Variants in NCKAP5 observed in about 807,000 individuals in gnomAD.
NCKAP5 encodes the protein nck-associated protein 5.
In NCKAP5, 92 loss-of-function variants were observed where a neutral mutation model predicts 167.0. The observed-to-expected ratio is 0.55, with a 90% CI of 0.47 to 0.66. NCKAP5 has a LOEUF of 0.66. Ranked by LOEUF, NCKAP5 falls within the 30% of genes least tolerant of loss-of-function variation. The pLI, the probability that NCKAP5 is intolerant of heterozygous loss-of-function variation, is 0.00. For missense variants in NCKAP5, 2,378 were observed against 2,315.0 expected (o/e 1.03, Z -0.56); for synonymous variants, 891 against 877.4 (o/e 1.02, Z -0.27).
chr2:132,828,407 T>A (rs10208880), intron 11 of NCKAP5, among the ~76,000 whole-genome samples: 39,916 of 151,784 alleles, frequency 0.26, 5,849 homozygotes, highest in African/African-American at 0.41. Flanking sequence ...TACAGCGAGA[T>A]CTGGTTGTTT....
At chr2:133,129,933 G>A (rs1166542592) in intron 6 of NCKAP5, 45 bp downstream of exon 6, 1 of 1,536,322 alleles carries the variant, frequency 6.5e-7, no homozygotes, top group Non-Finnish European at 8.7e-7. Context: ...CTGGTGCAGA[G>A]AGAGATGCAC....
At chr2:133,459,789 G>A (rs905224214) in intron 3 of NCKAP5, among the ~76,000 whole-genome samples, 1 of 152,072 alleles carries the variant, frequency 6.6e-6, no homozygotes, top group African/African-American at 2.4e-5. Context: ...TTACAAACAC[G>A]TAATGAGTCT....
chr2:133,234,445 C>G (rs1424733723), intron 4 of NCKAP5, among the ~76,000 whole-genome samples: 1 of 152,120 alleles, frequency 6.6e-6, no homozygotes, highest in African/African-American at 2.4e-5. Context: ...TTCTCTGGAC[C>G]CTGACAAGTC....
rs149225399 is a variant in NCKAP5 at position 132,957,804 on chromosome 2, G to T, written c.579+5916C>A. On this transcript the variant is annotated intron_variant, in intron 8 of 19. Coordinates refer to ENST00000409261, the MANE Select transcript of NCKAP5 (RefSeq NM_207363.3). ...AGACCCCTATTCTAGAAGAGGTTTT[G>T]CCCCACACCCAGAAGGAAGGAATGC... is the stretch of plus-strand genomic sequence containing the variant. Among the ~76,000 whole-genome samples the T allele has an allele frequency of 2.5e-3, 381 of 152,218 alleles. 2 individuals carry two copies. The highest frequency in any genetic ancestry group is 8.9e-3 in the African/African-American group (369 of 41,542).
chr2:132,727,524 C>A (rs1255838879), intron 18 of NCKAP5, among the ~76,000 whole-genome samples: 2 of 152,220 alleles, frequency 1.3e-5, no homozygotes, highest in African/African-American at 2.4e-5. Context: ...AGACACAAGT[C>A]TATGTGGGCA....
intron 5 of NCKAP5, among the ~76,000 whole-genome samples, chr2:133,179,937 A>AT (rs946238406): frequency 2.0e-5 from 3 of 151,122 alleles, no homozygotes; most frequent in East Asian, 1.9e-4. Flanking sequence ...GAAAGAATAG[A>AT]TAAAAAAAAA....
At chr2:133,467,037 C>G (rs1179290216) in intron 3 of NCKAP5, among the ~76,000 whole-genome samples, 1 of 151,846 alleles carries the variant, frequency 6.6e-6, no homozygotes, top group African/African-American at 2.4e-5. Flanking sequence ...CCAGAACTTC[C>G]AACATTATGT....
At chr2:132,795,163 T>C (rs1684478807) in intron 12 of NCKAP5, among the ~76,000 whole-genome samples, 1 of 152,304 alleles carries the variant, frequency 6.6e-6, no homozygotes. Flanking sequence ...CAAGTTGCCC[T>C]ATCAATATAA....
chr2:133,211,715 A>G (rs2086219121), intron 5 of NCKAP5, among the ~76,000 whole-genome samples: 1 of 152,224 alleles, frequency 6.6e-6, no homozygotes, highest in African/African-American at 2.4e-5. Flanking sequence ...TTTTTTATAA[A>G]CATTTGCCTA....
intron 3 of NCKAP5, among the ~76,000 whole-genome samples, chr2:133,459,355 G>C (rs1257190438): frequency 6.6e-6 from 1 of 152,086 alleles, no homozygotes; most frequent in Non-Finnish European, 1.5e-5. Context: ...TGAGAGGTGA[G>C]CTTCAGCAAA....
intron 5 of NCKAP5, among the ~76,000 whole-genome samples, chr2:133,197,280 C>T (rs2085478971): frequency 1.3e-5 from 2 of 152,262 alleles, no homozygotes; most frequent in South Asian, 2.1e-4. Context: ...CGAGATCACA[C>T]TGGCCTCAGG....
At chr2:133,286,163 T>A (rs1679115315) in intron 4 of NCKAP5, among the ~76,000 whole-genome samples, 1 of 146,726 alleles carries the variant, frequency 6.8e-6, no homozygotes, top group Admixed American at 6.7e-5. Context: ...GCCAGGCTAA[T>A]TTTTTTTGTA....
At chr2:132,977,468 A>T (rs544065664) in intron 7 of NCKAP5, among the ~76,000 whole-genome samples, 1 of 152,104 alleles carries the variant, frequency 6.6e-6, no homozygotes, top group Non-Finnish European at 1.5e-5. Flanking sequence ...CTCACATAGG[A>T]GCAAATCAAC....
At chr2:133,443,760 T>C (rs1043526084) in intron 3 of NCKAP5, among the ~76,000 whole-genome samples, 3 of 152,172 alleles carry the variant, frequency 2.0e-5, no homozygotes, top group Admixed American at 1.3e-4. Context: ...TTTTCTCTAC[T>C]GGAAGAGGGG....
intron 11 of NCKAP5, among the ~76,000 whole-genome samples, chr2:132,858,561 C>T (rs1408293700): frequency 6.6e-6 from 1 of 152,168 alleles, no homozygotes; most frequent in East Asian, 1.9e-4. Context: ...AAAAGCCAGT[C>T]ATGTCCTCTG....
chr2:133,059,840 T>C (rs2079935945), intron 6 of NCKAP5, among the ~76,000 whole-genome samples: 2 of 152,148 alleles, frequency 1.3e-5, no homozygotes, highest in Admixed American at 6.5e-5. Flanking sequence ...ATATACACTT[T>C]ATTGAGGTAG....
intron 4 of NCKAP5, among the ~76,000 whole-genome samples, chr2:133,274,351 T>C (rs892163062): frequency 2.6e-5 from 4 of 151,974 alleles, no homozygotes; most frequent in African/African-American, 7.2e-5. Flanking sequence ...GAAACACCTT[T>C]ATAGAGAACA....
chr2:133,652,223 G>A, the NCKAP5 span, among the ~76,000 whole-genome samples: 1 of 152,048 alleles, frequency 6.6e-6, no homozygotes, highest in Non-Finnish European at 1.5e-5. Flanking sequence ...AGACAGAATC[G>A]GGAATATCAA....
chr2:133,341,137 C>A (rs1559398453), intron 3 of NCKAP5, among the ~76,000 whole-genome samples: 1 of 152,078 alleles, frequency 6.6e-6, no homozygotes, highest in Non-Finnish European at 1.5e-5. Context: ...TTATCTCCTA[C>A]AACCACATTC....
Sources: gnomAD v4.1 joint callset for allele counts (sites outside exome capture counted in the v4.1 genomes callset) on GRCh38, gnomAD v4.1.1 for gene constraint, MANE v1.5 for transcripts, NCBI Gene and HGNC (gene_info 2026-07-23, HGNC 2026-07-21) for gene names.